The following ADAMTS12 variants were observed in gnomAD, a reference collection of about 807,000 sequenced individuals.
ADAMTS12 encodes the protein ADAM metallopeptidase with thrombospondin type 1 motif 12.
Under a neutral mutation model 167.8 loss-of-function variants are expected in ADAMTS12, and 118 were observed. The ratio of observed to expected loss-of-function variants is 0.70; its 90% confidence interval spans 0.61 to 0.82. The LOEUF is 0.82. Ranked by LOEUF, ADAMTS12 falls within the 40% of genes least tolerant of loss-of-function variation. The probability of loss-of-function intolerance (pLI) is 0.00; values close to 1 mark genes in which losing one functional copy is unlikely to be tolerated. For missense variants in ADAMTS12, 1,916 were observed against 1,998.8 expected (o/e 0.96, Z 0.79); for synonymous variants, 704 against 716.9 (o/e 0.98, Z 0.29).
intron 16 of ADAMTS12, among the ~76,000 whole-genome samples, chr5:33,599,250 T>C (rs2112044522): frequency 6.6e-6 from 1 of 152,324 alleles, no homozygotes; most frequent in Non-Finnish European, 1.5e-5. Flanking sequence ...GGGTGCTTTG[T>C]TATATACCAG....
At chr5:33,608,112 C>T (rs138740296) in intron 16 of ADAMTS12, among the ~76,000 whole-genome samples, 77 of 151,696 alleles carry the variant, frequency 5.1e-4, no homozygotes, top group African/African-American at 1.8e-3. Flanking sequence ...ATCACCTTTC[C>T]ACACACTTTG....
intron 19 of ADAMTS12, among the ~76,000 whole-genome samples, chr5:33,574,824 GTTA>G (rs1211129606): frequency 6.6e-6 from 1 of 152,018 alleles, no homozygotes; most frequent in Non-Finnish European, 1.5e-5. Context: ...TACTCAAATT[GTTA>G]TTTTTATATT....
intron 2 of ADAMTS12, among the ~76,000 whole-genome samples, chr5:33,866,630 AAAAT>A (rs1250766324): frequency 6.6e-6 from 1 of 152,190 alleles, no homozygotes; most frequent in African/African-American, 2.4e-5. Flanking sequence ...TCTGCATAGC[AAAAT>A]AAATAATCAT....
At chr5:33,830,809 T>G (rs969527652) in intron 2 of ADAMTS12, among the ~76,000 whole-genome samples, 2 of 152,110 alleles carry the variant, frequency 1.3e-5, no homozygotes, top group African/African-American at 4.8e-5. Flanking sequence ...ATAGCTTTCA[T>G]TTATATTGCT....
intron 2 of ADAMTS12, among the ~76,000 whole-genome samples, chr5:33,850,967 G>A (rs922975873): frequency 2.0e-5 from 3 of 152,218 alleles, no homozygotes; most frequent in Non-Finnish European, 4.4e-5. Context: ...CTGGAATCTT[G>A]AGTGTTAAGA....
intron 2 of ADAMTS12, among the ~76,000 whole-genome samples, chr5:33,804,505 C>G (rs1316618855): frequency 6.6e-6 from 1 of 152,196 alleles, no homozygotes; most frequent in Admixed American, 6.5e-5. Flanking sequence ...AACTGACATG[C>G]AGATGTGTGA....
intron 1 of ADAMTS12, 50 bp downstream of exon 1, chr5:33,891,680 G>A (rs1365218372): frequency 1.9e-6 from 3 of 1,607,920 alleles, no homozygotes; most frequent in African/African-American, 1.3e-5. Flanking sequence ...CAAAATTCCC[G>A]CAAGTCTTAC....
intron 5 of ADAMTS12, among the ~76,000 whole-genome samples, chr5:33,663,568 A>T (rs1203796181): frequency 6.6e-6 from 1 of 152,224 alleles, no homozygotes; most frequent in Non-Finnish European, 1.5e-5. Flanking sequence ...TAAAGAAGGC[A>T]TTATCATTTT....
At chr5:33,786,289 A>C (rs1746321282) in intron 2 of ADAMTS12, among the ~76,000 whole-genome samples, 1 of 152,236 alleles carries the variant, frequency 6.6e-6, no homozygotes. Flanking sequence ...ACAGTAAATG[A>C]ATTTTATGGT....
chr5:33,865,476 T>C (rs1749783442), intron 2 of ADAMTS12, among the ~76,000 whole-genome samples: 1 of 151,836 alleles, frequency 6.6e-6, no homozygotes, highest in Admixed American at 6.6e-5. Context: ...CTCAAAATAA[T>C]AAAAGCCATA....
At chr5:33,869,629 G>A (rs1749961477) in intron 2 of ADAMTS12, among the ~76,000 whole-genome samples, 1 of 152,186 alleles carries the variant, frequency 6.6e-6, no homozygotes, top group South Asian at 2.1e-4. Context: ...AGGGGAGGGA[G>A]TGTACGAATA....
intron 3 of ADAMTS12, among the ~76,000 whole-genome samples, chr5:33,748,833 T>C (rs1044671158): frequency 2.0e-5 from 3 of 152,204 alleles, no homozygotes; most frequent in Admixed American, 6.5e-5. Context: ...CAATATGGTA[T>C]AAGAACACTG....
chr5:33,760,879 CTGTGTGTGTGTGTG>C (rs61110268), intron 2 of ADAMTS12, among the ~76,000 whole-genome samples: 211 of 145,576 alleles, frequency 1.4e-3, no homozygotes, highest in Middle Eastern at 6.9e-3. Context: ...TGTCTTTGCT[CTGTGTGTGTGTGTG>C]TGTGTGTGTG....
At chr5:33,592,278 C>T (rs922619477) in intron 17 of ADAMTS12, among the ~76,000 whole-genome samples, 4 of 151,476 alleles carry the variant, frequency 2.6e-5, no homozygotes, top group Non-Finnish European at 5.9e-5. Flanking sequence ...AAAAACAAAA[C>T]AAAACAAAAA....
rs190631161 is a variant in ADAMTS12 at position 33,773,532 on chromosome 5, G to C, written c.490-21984C>G. Among the ~76,000 whole-genome samples, 153 of 152,284 alleles carry C rather than the reference G, an allele frequency of 1.0e-3. 1 individual carries two copies. The highest frequency in any genetic ancestry group is 1.2e-3 in the Admixed American group (18 of 15,298). ...ACAGCTCCACCATTATGGCAGTCAG[G>C]ATGACAAACTAGGGTCTGTTTCTCT... On this transcript the variant is annotated intron_variant, in intron 2 of 23. Transcript: ENST00000504830.
chr5:33,802,805 A>G (rs959054718), intron 2 of ADAMTS12, among the ~76,000 whole-genome samples: 1 of 152,078 alleles, frequency 6.6e-6, no homozygotes, highest in Non-Finnish European at 1.5e-5. Flanking sequence ...GGGAGACGTA[A>G]TACAGTTGCT....
chr5:33,538,690 C>T (rs1744532873), intron 22 of ADAMTS12, among the ~76,000 whole-genome samples: 2 of 152,118 alleles, frequency 1.3e-5, no homozygotes, highest in South Asian at 4.2e-4. Context: ...AGAAGCCTTC[C>T]TGTGAGAGCC....
intron 1 of ADAMTS12, among the ~76,000 whole-genome samples, chr5:33,882,720 T>G (rs1038667573): frequency 1.7e-4 from 26 of 152,276 alleles, no homozygotes; most frequent in African/African-American, 5.8e-4. Flanking sequence ...GCCTCCTAAG[T>G]AGCTGGGATT....
At chr5:33,597,495 G>A (rs1737953788) in intron 16 of ADAMTS12, among the ~76,000 whole-genome samples, 1 of 152,048 alleles carries the variant, frequency 6.6e-6, no homozygotes, top group African/African-American at 2.4e-5. Flanking sequence ...GGACACTGAG[G>A]GGCTTTCCCT....
Sources: allele counts gnomAD v4.1 joint callset (sites outside exome capture counted in the v4.1 genomes callset), GRCh38; gene constraint gnomAD v4.1.1; transcripts MANE v1.5; gene names NCBI Gene and HGNC (gene_info 2026-07-23, HGNC 2026-07-21).